AUTS2: variants seen among roughly 807,000 people sequenced by gnomAD.
The protein encoded by AUTS2 is activator of transcription and developmental regulator AUTS2, also known as autism susceptibility gene 2 protein.
In AUTS2, 17 loss-of-function variants were observed where a neutral mutation model predicts 112.4. The observed-to-expected ratio is 0.15, with a 90% confidence interval of 0.10 to 0.23. The LOEUF (loss-of-function observed/expected upper bound fraction) is 0.23. AUTS2 is among the 10% of genes least tolerant of loss of function. The pLI, the probability that AUTS2 is intolerant of heterozygous loss-of-function variation, is 1.00. For synonymous variants in AUTS2, 751 were observed against 702.7 expected (o/e 1.07, Z -1.09); for missense variants, 1,510 against 1,701.6 (o/e 0.89, Z 1.98).
chr7:70,210,260 T>G (rs1300390794), intron 4 of AUTS2, among the ~76,000 whole-genome samples: 3 of 152,248 alleles, frequency 2.0e-5, no homozygotes, highest in African/African-American at 7.2e-5. Flanking sequence ...AAGCATTTTC[T>G]CCTCACGATT....
intron 6 of AUTS2, among the ~76,000 whole-genome samples, chr7:70,702,686 C>T (rs1239447282): frequency 1.3e-5 from 2 of 152,182 alleles, no homozygotes; most frequent in Admixed American, 6.5e-5. Context: ...AGAGCAGCTG[C>T]TCACCCTCGT....
At chr7:70,022,914 T>C (rs1233200862) in intron 2 of AUTS2, among the ~76,000 whole-genome samples, 1 of 152,166 alleles carries the variant, frequency 6.6e-6, no homozygotes, top group African/African-American at 2.4e-5. Flanking sequence ...TGCAGTGGCA[T>C]GATCACAGCT....
At chr7:70,160,355 C>T (rs917853650) in intron 4 of AUTS2, among the ~76,000 whole-genome samples, 1 of 152,120 alleles carries the variant, frequency 6.6e-6, no homozygotes, top group Non-Finnish European at 1.5e-5. Context: ...GATCTTCCTC[C>T]AACGTAAATC....
intron 6 of AUTS2, among the ~76,000 whole-genome samples, chr7:70,735,537 G>A (rs1220014159): frequency 6.6e-6 from 1 of 152,150 alleles, no homozygotes. Flanking sequence ...CGCGAGGAGA[G>A]TTTTCTTCCG....
At chr7:70,491,291 T>A (rs578199007) in intron 5 of AUTS2, among the ~76,000 whole-genome samples, 1 of 151,974 alleles carries the variant, frequency 6.6e-6, no homozygotes, top group Non-Finnish European at 1.5e-5. Context: ...AGAACCAGAT[T>A]CTGATCCTGG....
intron 1 of AUTS2, among the ~76,000 whole-genome samples, chr7:69,809,812 T>TTA (rs1790468801): frequency 6.6e-6 from 1 of 152,136 alleles, no homozygotes; most frequent in Non-Finnish European, 1.5e-5. Context: ...TAACAAATAT[T>TTA]TATTGAACAC....
chr7:70,354,411 A>G (rs1272957823), intron 4 of AUTS2, among the ~76,000 whole-genome samples: 4 of 152,238 alleles, frequency 2.6e-5, no homozygotes, highest in African/African-American at 7.2e-5. Flanking sequence ...TAATAGTACA[A>G]GTTCCAACTA....
chr7:70,328,270 G>A (rs967862943), intron 4 of AUTS2, among the ~76,000 whole-genome samples: 1 of 152,136 alleles, frequency 6.6e-6, no homozygotes, highest in Non-Finnish European at 1.5e-5. Context: ...CTCCCAGGCT[G>A]GAGTATGGTG....
intron 4 of AUTS2, among the ~76,000 whole-genome samples, chr7:70,277,958 A>ATGTATG (rs746831002): frequency 4.3e-5 from 4 of 92,276 alleles, no homozygotes; most frequent in Non-Finnish European, 6.9e-5. Flanking sequence ...GTATGTATGT[A>ATGTATG]TGTGTGTGTG....
chr7:70,274,822 G>A (rs1000909515), intron 4 of AUTS2, among the ~76,000 whole-genome samples: 6 of 152,120 alleles, frequency 3.9e-5, no homozygotes, highest in African/African-American at 1.2e-4. Context: ...CTTTTGGAAA[G>A]TATTATAGTG....
chr7:70,705,373 G>A (rs1456411439), intron 6 of AUTS2, among the ~76,000 whole-genome samples: 1 of 152,108 alleles, frequency 6.6e-6, no homozygotes, highest in Non-Finnish European at 1.5e-5. Context: ...CGTGCATTTC[G>A]GATTTTTACC....
intron 2 of AUTS2, among the ~76,000 whole-genome samples, chr7:69,949,965 A>T (rs1004989179): frequency 1.3e-5 from 2 of 152,164 alleles, no homozygotes; most frequent in Non-Finnish European, 2.9e-5. Flanking sequence ...TGTGTACTTC[A>T]GGTACTTCAG....
chr7:70,274,524 C>T (rs991037083), intron 4 of AUTS2, among the ~76,000 whole-genome samples: 2 of 152,120 alleles, frequency 1.3e-5, no homozygotes, highest in African/African-American at 4.8e-5. Context: ...GAACTGAGCT[C>T]AAGCAATCTG....
intron 1 of AUTS2, among the ~76,000 whole-genome samples, chr7:69,791,916 T>G (rs536179573): frequency 4.7e-4 from 72 of 152,256 alleles, no homozygotes; most frequent in Non-Finnish European, 9.0e-4. Context: ...ATTTACTGTC[T>G]GAGAATCTGC....
chr7:70,354,826 G>T (rs1353546054), intron 4 of AUTS2, among the ~76,000 whole-genome samples: 1 of 152,126 alleles, frequency 6.6e-6, no homozygotes, highest in Non-Finnish European at 1.5e-5. Context: ...TAATATTTTG[G>T]ATGCATTGAG....
intron 4 of AUTS2, among the ~76,000 whole-genome samples, chr7:70,362,485 C>T (rs1181004001): frequency 5.9e-5 from 9 of 152,062 alleles, no homozygotes; most frequent in Non-Finnish European, 1.3e-4. Context: ...GTTTCTTCCC[C>T]GGGAAAGTGA....
intron 1 of AUTS2, among the ~76,000 whole-genome samples, chr7:69,782,923 T>A (rs1376760927): frequency 6.6e-6 from 1 of 152,096 alleles, no homozygotes; most frequent in Non-Finnish European, 1.5e-5. Flanking sequence ...TTGTTTGGAT[T>A]TGTTGTGTAT....
chr7:70,286,723 G>A lies in AUTS2; in HGVS notation c.661-149029G>A, dbSNP rs1469866993. ...GTGAAGAGTGGTAGATCCTAAAGTA[G>A]TATTTCTTAGAAGAGTAGAATAGGT... is the stretch of plus-strand genomic sequence containing the variant. On this transcript the variant is annotated intron_variant, in intron 4 of 18. Transcript: ENST00000342771. Among the ~76,000 whole-genome samples, 2 of 152,140 alleles carry A rather than the reference G, an allele frequency of 1.3e-5. 1 individual carries two copies. The highest frequency in any genetic ancestry group is 2.9e-5 in the Non-Finnish European group (2 of 68,010).
At position 70,775,496 on chromosome 7, in the gene AUTS2, A is replaced by G. The variant is rs902508011; in HGVS notation, c.1932+110A>G. ...AGCCATAGAAATGTTGGAATAAGAC[A>G]TTGGAATGACGGTGATTGGGTTTTT... On this transcript the variant is annotated intron_variant, in intron 13 of 18. Coordinates refer to ENST00000342771, the MANE Select transcript of AUTS2 (RefSeq NM_015570.4). 2.8e-5 allele frequency: 25 copies of G among 888,492 alleles called. 1 individual carries two copies. The highest frequency in any genetic ancestry group is 4.5e-4 in the Middle Eastern group (2 of 4,440). The allele number at this position is 888,492 out of a possible 1,614,324, so 55.0% of individuals were successfully genotyped here. A position where few individuals can be genotyped will look rare whatever the true frequency, so the allele number is the denominator to read the frequency against.
Sources: allele counts gnomAD v4.1 joint callset (sites outside exome capture counted in the v4.1 genomes callset), GRCh38; gene constraint gnomAD v4.1.1; transcripts MANE v1.5; gene names NCBI Gene and HGNC (gene_info 2026-07-23, HGNC 2026-07-21).